The following EMILIN2 variants were observed in gnomAD, a reference collection of about 807,000 sequenced individuals.
EMILIN2 encodes EMILIN-2.
EMILIN2 carries 71 observed loss-of-function variants against 87.1 expected under a neutral mutation model. The observed-to-expected ratio is 0.82, with a 90% confidence interval of 0.67 to 0.99. The LOEUF is 0.99. Among genes scored for constraint, EMILIN2 ranks in the 50% least tolerant of loss-of-function variants. The pLI is 0.00. For synonymous variants in EMILIN2, 581 were observed against 563.4 expected, an observed-to-expected ratio of 1.03 and a Z score of -0.44; for missense variants, 1,407 against 1,371.8, an observed-to-expected ratio of 1.03 and a Z score of -0.40.
At chr18:2,851,602 G>T (rs2076602114) in intron 2 of EMILIN2, among the ~76,000 whole-genome samples, 1 of 152,196 alleles carries the variant, frequency 6.6e-6, no homozygotes, top group South Asian at 2.1e-4. Flanking sequence ...ACTGGGCCCT[G>T]ACAGCCTCCT....
chr18:2,889,684 TTTC>T (rs1341686874), intron 3 of EMILIN2, among the ~76,000 whole-genome samples: 3 of 139,046 alleles, frequency 2.2e-5, no homozygotes, highest in African/African-American at 8.1e-5. Context: ...TTCTTCTTTT[TTTC>T]TTTTCTTTTT....
chr18:2,846,961 G>A, upstream of EMILIN2: 1 of 1,000,416 alleles, frequency 1.0e-6, no homozygotes, highest in Non-Finnish European at 1.2e-6. This position sits in a 1 kb window ranked among gnomAD's most constrained non-coding sequence, Gnocchi z 5.3. Context: ...GGGGACCTGT[G>A]CGTCATTGAG....
chr18:2,879,178 C>T (rs946412280), intron 2 of EMILIN2, among the ~76,000 whole-genome samples: 26 of 152,264 alleles, frequency 1.7e-4, no homozygotes, highest in African/African-American at 5.8e-4. Flanking sequence ...AGATGCGCGC[C>T]TGCTGCTGAT....
At chr18:2,858,591 ATATATATATATGTG>A (rs2076643992) in intron 2 of EMILIN2, among the ~76,000 whole-genome samples, 5 of 106,708 alleles carry the variant, frequency 4.7e-5, no homozygotes, top group Non-Finnish European at 8.4e-5. Flanking sequence ...GTGTATATAT[ATATATATATATGTG>A]TATATATATA....
intron 4 of EMILIN2, chr18:2,906,080 G>A (rs1024353929): frequency 1.3e-5 from 2 of 152,342 alleles, no homozygotes; most frequent in Admixed American, 6.5e-5. Flanking sequence ...GTTTCTTGGC[G>A]AGCGGGTCCC....
Position 2,892,022 on chromosome 18 carries a change from G to C in EMILIN2, c.1895G>C (p.Cys632Ser), listed in dbSNP as rs147930365. 16 of 1,614,136 alleles carry C rather than the reference G, an allele frequency of 9.9e-6. No homozygotes were observed. The African/African-American group carries it at 1.9e-4, about 19-fold the overall frequency. ...CATCTTCAAAAGGAAATGAGCAATT[G>C]TAGAGCAGGTGAAAACGCTGGCATG... Reference protein sequence around the residue: ...VTHLQKEMSNCRAGENAGMGR... With the variant: ...VTHLQKEMSNSRAGENAGMGR... The change falls in exon 4 of 8, where the codon TGT (cysteine) becomes TCT (serine). Residue 632 changes from cysteine to serine, a missense_variant. Cys to Ser is a moderately radical substitution (Grantham distance 112). Coordinates refer to ENST00000254528, the MANE Select transcript of EMILIN2 (RefSeq NM_032048.3).
At chr18:2,860,735 T>C (rs1406307726) in intron 2 of EMILIN2, among the ~76,000 whole-genome samples, 2 of 152,224 alleles carry the variant, frequency 1.3e-5, no homozygotes, top group African/African-American at 4.8e-5. Flanking sequence ...TGATTTATAA[T>C]CCTCTGGGTA....
chr18:2,913,440 T>A lies in EMILIN2; in HGVS notation c.*36T>A, dbSNP rs1568489664. On this transcript the variant is annotated 3_prime_UTR_variant, in exon 8 of 8. Coordinates refer to ENST00000254528, the MANE Select transcript of EMILIN2 (RefSeq NM_032048.3). ...GAGATGTCAGGGGAAAGATAGATAG[T>A]TGTAAAAACTCTAAAGCTTTAATAT... 1 of 1,478,390 alleles carries A rather than the reference T, an allele frequency of 6.8e-7. No individual in the cohort carries two copies. The highest frequency in any genetic ancestry group is 9.1e-7 in the Non-Finnish European group (1 of 1,092,946). 91.6% of individuals were successfully genotyped at this position (1,478,390 alleles called of 1,614,324 possible). A position where few individuals can be genotyped will look rare whatever the true frequency, so the allele number is the denominator to read the frequency against.
chr18:2,888,669 A>C (rs778214850), intron 3 of EMILIN2, among the ~76,000 whole-genome samples: 52 of 150,348 alleles, frequency 3.5e-4, no homozygotes, highest in Non-Finnish European at 6.1e-4. Context: ...GAGCCGAGAT[A>C]GCACCACTGC....
chr18:2,891,635 G>C lies in EMILIN2; in HGVS notation c.1508G>C (p.Ser503Thr). The C allele has an allele frequency of 1.9e-6, 3 of 1,614,086 alleles. No individual in the cohort carries two copies. The highest frequency in any genetic ancestry group is 2.5e-6 in the Non-Finnish European group (3 of 1,180,044). Residue 503 changes from serine (S) to threonine (T), a missense_variant, in exon 4 of 8, where the codon AGC (serine) becomes ACC (threonine). Coordinates refer to ENST00000254528, the MANE Select transcript of EMILIN2 (RefSeq NM_032048.3). The surrounding 1 kb of genome is among the most constrained non-coding windows in gnomAD (Gnocchi z 4.6). ...KIQSLEDRLG[S>T]VLLQMTNNTG... is the part of the protein sequence containing the mutation. ...CAGTCTCTGGAAGACCGTCTGGGGA[G>C]CGTTCTCCTACAGATGACCAATAAC...
intron 2 of EMILIN2, among the ~76,000 whole-genome samples, chr18:2,872,260 C>T (rs2143996187): frequency 6.6e-6 from 1 of 152,310 alleles, no homozygotes; most frequent in African/African-American, 2.4e-5. Flanking sequence ...GTCTTTCCTT[C>T]TACTAAGAAT....
intron 2 of EMILIN2, among the ~76,000 whole-genome samples, chr18:2,860,341 C>T (rs1219910871): frequency 6.6e-6 from 1 of 152,100 alleles, no homozygotes; most frequent in East Asian, 1.9e-4. Context: ...CACCCATTAA[C>T]TTGTCATTTA....
rs184987575 is a variant in EMILIN2 at position 2,911,189 on chromosome 18, T to A, written c.2824+1370T>A. The stretch of plus-strand genomic sequence containing the variant: ...TTCAAGTGCGGTCTGACAGGTGACT[T>A]GGGGTCTTATACATTGGCATGCTTC... On this transcript the variant is annotated intron_variant, in intron 7 of 7. Coordinates refer to ENST00000254528, the MANE Select transcript of EMILIN2 (RefSeq NM_032048.3). Among the ~76,000 whole-genome samples the A allele has an allele frequency of 4.3e-4, 66 of 152,260 alleles. No individual in the cohort carries two copies. In the East Asian group the frequency reaches 0.012, roughly 27 times the overall value.
intron 4 of EMILIN2, among the ~76,000 whole-genome samples, chr18:2,895,494 A>G (rs2076859121): frequency 6.6e-6 from 1 of 152,244 alleles, no homozygotes; most frequent in African/African-American, 2.4e-5. Flanking sequence ...TCTGTAGGTC[A>G]GGAACCCCGG....
intron 2 of EMILIN2, among the ~76,000 whole-genome samples, chr18:2,873,024 A>G (rs1266099965): frequency 6.6e-6 from 1 of 151,996 alleles, no homozygotes; most frequent in East Asian, 1.9e-4. Flanking sequence ...AAATAAAACA[A>G]CAAAATAATG....
At chr18:2,852,540 A>G (rs1031941482) in intron 2 of EMILIN2, among the ~76,000 whole-genome samples, 3 of 152,216 alleles carry the variant, frequency 2.0e-5, no homozygotes, top group African/African-American at 7.2e-5. Context: ...CTTTTTTGAG[A>G]CAGGGTCTCG....
rs544310868 is a variant in EMILIN2 at position 2,892,175 on chromosome 18, C to T, written c.2048C>T (p.Ser683Leu). The T allele has an allele frequency of 1.4e-5, 22 of 1,606,358 alleles. No individual in the cohort carries two copies. The highest frequency in any genetic ancestry group is 8.0e-5 in the African/African-American group (6 of 74,830). The change falls in exon 4 of 8, where the codon TCG becomes TTG. Residue 683 changes from serine to leucine, a missense_variant. By Grantham distance (145) the Ser-to-Leu change is moderately radical (BLOSUM62 -2). Transcript: ENST00000254528. ...RWQRLQSQVI[S>L]ELDACKECTQ... is the part of the protein sequence containing the mutation. ...CAGAGGTTGCAGAGCCAGGTCATCT[C>T]GGAGCTGGATGCTTGTAAGGAATGC...
chr18:2,908,911 G>C (rs569456349), intron 5 of EMILIN2, 32 bp from the exon 6 acceptor site: 5 of 1,613,832 alleles, frequency 3.1e-6, no homozygotes, highest in African/African-American at 1.3e-5. Flanking sequence ...TTAGGGTCTT[G>C]TTTGACATGC....
intron 5 of EMILIN2, among the ~76,000 whole-genome samples, chr18:2,907,982 GC>G (rs1862255545): frequency 6.6e-6 from 1 of 152,188 alleles, no homozygotes; most frequent in Non-Finnish European, 1.5e-5. Flanking sequence ...ATAGCCTGGT[GC>G]CCCCATGGCC....
Sources: allele counts gnomAD v4.1 joint callset (sites outside exome capture counted in the v4.1 genomes callset), GRCh38; gene constraint gnomAD v4.1.1; non-coding constraint Gnocchi (gnomAD v3.1); transcripts MANE v1.5; gene names NCBI Gene and HGNC (gene_info 2026-07-23, HGNC 2026-07-21).